BLTP2: variants seen among roughly 807,000 people sequenced by gnomAD.
BLTP2 encodes the protein U937-associated antigen.
chr17:28,624,245 C>A, the BLTP2 span: 2 of 1,613,888 alleles, frequency 1.2e-6, no homozygotes, highest in South Asian at 2.2e-5. Flanking sequence ...GACAGTTGAC[C>A]AATTCAATAA....
chr17:28,638,011 C>T, the BLTP2 span: 1 of 1,614,186 alleles, frequency 6.2e-7, no homozygotes, highest in South Asian at 1.1e-5. Flanking sequence ...CTGATGCTTC[C>T]ACCTGAAGTC....
At chr17:28,628,672 T>C in the BLTP2 span, 13 of 867,826 alleles carry the variant, frequency 1.5e-5, no homozygotes, top group East Asian at 3.1e-4. Flanking sequence ...CCATGGCTCA[T>C]GCCCGTAATC....
chr17:28,616,666 C>A, the BLTP2 span: 1 of 1,614,238 alleles, frequency 6.2e-7, no homozygotes, highest in Non-Finnish European at 8.5e-7. The surrounding 1 kb of genome is among the most constrained non-coding windows in gnomAD (Gnocchi z 4.8). Flanking sequence ...ACTTCATCAT[C>A]TTCCACACTT....
At chr17:28,619,469 A>G in the BLTP2 span, among the ~76,000 whole-genome samples, 1 of 141,548 alleles carries the variant, frequency 7.1e-6, no homozygotes, top group African/African-American at 2.6e-5. Context: ...CTTTGTCTCT[A>G]AAAAAAAAAA....
At chr17:28,628,805 G>C in the BLTP2 span, among the ~76,000 whole-genome samples, 2 of 152,044 alleles carry the variant, frequency 1.3e-5, no homozygotes, top group African/African-American at 4.8e-5. Context: ...ATGGTGGCTG[G>C]CACTGGTAAT....
At chr17:28,617,142 T>C in the BLTP2 span, 1 of 1,262,358 alleles carries the variant, frequency 7.9e-7, no homozygotes, top group South Asian at 1.3e-5. Flanking sequence ...ACCACATTGT[T>C]TTCCATAGTG....
the BLTP2 span, chr17:28,620,405 T>C: frequency 2.2e-6 from 3 of 1,355,774 alleles, no homozygotes; most frequent in Non-Finnish European, 3.1e-6. Context: ...CACAAGGCCC[T>C]TTTTCAGTGT....
chr17:28,628,439 T>G, the BLTP2 span: 1 of 1,614,238 alleles, frequency 6.2e-7, no homozygotes, highest in Non-Finnish European at 8.5e-7. Flanking sequence ...GCTGCCTTTT[T>G]GTACCCATCA....
the BLTP2 span, chr17:28,620,980 C>T: frequency 6.2e-7 from 1 of 1,613,710 alleles, no homozygotes; most frequent in South Asian, 1.1e-5. Flanking sequence ...CTTTCAAGCC[C>T]TGAATACCTT....
chr17:28,624,520 C>T, the BLTP2 span: 1 of 704,448 alleles, frequency 1.4e-6, no homozygotes, highest in African/African-American at 1.8e-5. Context: ...CCTCCCAAAC[C>T]TAAAACTCTA....
the BLTP2 span, among the ~76,000 whole-genome samples, chr17:28,636,637 T>C: frequency 6.6e-6 from 1 of 152,246 alleles, no homozygotes; most frequent in Admixed American, 6.5e-5. Flanking sequence ...AAATTCTCTC[T>C]AGTTTTGTAT....
chr17:28,639,251 T>A, the BLTP2 span: 2 of 1,564,436 alleles, frequency 1.3e-6, no homozygotes, highest in Non-Finnish European at 1.8e-6. Flanking sequence ...GGATGCCAAT[T>A]TGGACCAAAA....
the BLTP2 span, chr17:28,621,604 G>A: frequency 2.6e-6 from 2 of 769,326 alleles, no homozygotes; most frequent in South Asian, 2.9e-5. Flanking sequence ...CTTACTATCT[G>A]GACCTCCACT....
chr17:28,644,114 G>A, the BLTP2 span: 21 of 1,614,088 alleles, frequency 1.3e-5, no homozygotes, highest in Middle Eastern at 1.6e-4. Context: ...CAAAAAAAGC[G>A]GAAGGAGCCA....
the BLTP2 span, among the ~76,000 whole-genome samples, chr17:28,625,390 A>C: frequency 1.3e-5 from 2 of 150,812 alleles, no homozygotes; most frequent in Non-Finnish European, 3.0e-5. Context: ...AAAAGAAAAA[A>C]TGGAAAAATA....
chr17:28,628,868 A>G, the BLTP2 span, among the ~76,000 whole-genome samples: 1 of 151,344 alleles, frequency 6.6e-6, no homozygotes, highest in Admixed American at 6.6e-5. Flanking sequence ...TGGCAGGTGG[A>G]GGTTGCAGTG....
At chr17:28,627,805 C>A in the BLTP2 span, among the ~76,000 whole-genome samples, 1 of 152,040 alleles carries the variant, frequency 6.6e-6, no homozygotes, top group East Asian at 1.9e-4. Context: ...CAGGTACTTG[C>A]CACCATGCCT....
the BLTP2 span, chr17:28,642,840 G>A: frequency 7.1e-6 from 9 of 1,266,052 alleles, no homozygotes; most frequent in Admixed American, 5.1e-5. Context: ...AGAATAGGAC[G>A]GCTAGATCCT....
the BLTP2 span, chr17:28,641,895 A>G: frequency 6.2e-7 from 1 of 1,606,402 alleles, no homozygotes; most frequent in Admixed American, 1.7e-5. Context: ...TTACCTGAAC[A>G]GGGAACAGGC....
Sources: allele counts gnomAD v4.1 joint callset (sites outside exome capture counted in the v4.1 genomes callset), GRCh38; gene constraint gnomAD v4.1.1; non-coding constraint Gnocchi (gnomAD v3.1); transcripts MANE v1.5; gene names NCBI Gene and HGNC (gene_info 2026-07-23, HGNC 2026-07-21).